PYGB: variants seen among roughly 807,000 people sequenced by gnomAD.
The protein encoded by PYGB is glycogen phosphorylase B, also known as glycogen phosphorylase, brain form.
PYGB carries 82 observed loss-of-function variants against 94.3 expected under a neutral mutation model. The ratio of observed to expected loss-of-function variants is 0.87; its 90% CI spans 0.73 to 1.04. The LOEUF is 1.04. Among genes scored for constraint, PYGB ranks in the 50% least tolerant of loss-of-function variants. The pLI is 0.00. For missense variants in PYGB, 1,132 were observed against 1,158.2 expected (o/e 0.98, Z 0.33); for synonymous variants, 488 against 479.1 (o/e 1.02, Z -0.24).
At chr20:25,268,665 G>C (rs747716512) in intron 2 of PYGB, among the ~76,000 whole-genome samples, 1 of 152,180 alleles carries the variant, frequency 6.6e-6, no homozygotes, top group Non-Finnish European at 1.5e-5. Context: ...CATAATGAGA[G>C]TACTGAGTTT....
intron 5 of PYGB, among the ~76,000 whole-genome samples, chr20:25,275,460 T>A (rs1568690817): frequency 6.6e-6 from 1 of 152,088 alleles, no homozygotes; most frequent in Non-Finnish European, 1.5e-5. Context: ...CCACCTGTGA[T>A]GGAGAAGGAC....
chr20:25,295,104 C>T, intron 18 of PYGB: 1 of 1,430,932 alleles, frequency 7.0e-7, no homozygotes, highest in Non-Finnish European at 9.9e-7. Context: ...CGATAGTGAA[C>T]AGAAATGCAT....
chr20:25,288,911 G>A (rs750346237), intron 15 of PYGB, among the ~76,000 whole-genome samples: 9 of 152,186 alleles, frequency 5.9e-5, no homozygotes, highest in Admixed American at 6.5e-5. Context: ...AGGTCACATC[G>A]TCACACTCAT....
In PYGB at chr20:25,254,241, C is replaced by A. The variant is rs2092896827; in HGVS notation, c.244-4996C>A. On this transcript the variant is annotated intron_variant, in intron 1 of 19. Transcript: ENST00000216962. ...TGTTGTCTGCAAATCTTTTCAGTGT[C>A]ACCAGCTGTCCTGCTTAATAAATAC... Among the ~76,000 whole-genome samples, 5 of 152,170 alleles carry A rather than the reference C, an allele frequency of 3.3e-5. No homozygotes were observed. The South Asian group carries it at 1.0e-3, about 31-fold the overall frequency.
chr20:25,294,734 G>A, intron 18 of PYGB: 3 of 624,412 alleles, frequency 4.8e-6, no homozygotes, highest in Non-Finnish European at 5.8e-6. Flanking sequence ...GATTTCACTT[G>A]CAACGATGTG....
intron 5 of PYGB, 50 bp from the exon 6 acceptor site, chr20:25,276,595 GC>G (rs1468232600): frequency 6.7e-7 from 1 of 1,501,858 alleles, no homozygotes; most frequent in African/African-American, 1.4e-5. Flanking sequence ...AGGCACAGGG[GC>G]CGGCGGGGGC....
At chr20:25,292,331 T>A in intron 16 of PYGB, 75 bp from the exon 17 acceptor site, 1 of 1,535,792 alleles carries the variant, frequency 6.5e-7, no homozygotes, top group Non-Finnish European at 8.9e-7. Context: ...TGGGCCGGCT[T>A]GTCCTGCAGT....
intron 2 of PYGB, among the ~76,000 whole-genome samples, chr20:25,268,915 TTAAC>T (rs757900782): frequency 2.6e-5 from 4 of 152,232 alleles, no homozygotes; most frequent in Non-Finnish European, 5.9e-5. Flanking sequence ...TGTTAATAGG[TTAAC>T]TACCTGGCAA....
rs1221396917 is a variant in PYGB, at chr20:25,283,262, G to A, written c.1605G>A (p.Val535=). 1.2e-6 allele frequency: 2 copies of A among 1,613,556 alleles called. No homozygotes were observed. The highest frequency in any genetic ancestry group is 1.7e-6 in the Non-Finnish European group (2 of 1,179,746). ...GTGACGAGGTGTTCATCAGGGACGT[G>A]GCCAAGGTCAAACAGGTAGGCATGG... ...LVSDEVFIRD[V]AKVKQENKLK... is the part of the protein sequence containing the mutation. The change falls in exon 13 of 20, where the codon GTG becomes GTA. Residue 535 remains valine (V), a synonymous_variant. Coordinates refer to ENST00000216962, the MANE Select transcript of PYGB (RefSeq NM_002862.4).
chr20:25,252,362 G>T (rs754825651), intron 1 of PYGB, among the ~76,000 whole-genome samples: 9 of 152,090 alleles, frequency 5.9e-5, no homozygotes, highest in South Asian at 2.1e-4. Flanking sequence ...ATGTCCCTCT[G>T]GGGGGGTCGG....
intron 18 of PYGB, 49 bp downstream of exon 18, chr20:25,294,341 A>G: frequency 3.7e-6 from 2 of 541,628 alleles, no homozygotes; most frequent in Admixed American, 2.0e-5. Flanking sequence ...GGAGGGAGGG[A>G]GGGGTCCTCT....
At chr20:25,268,314 ATTTGTAAC>A (rs1460081957) in intron 2 of PYGB, among the ~76,000 whole-genome samples, 1 of 151,980 alleles carries the variant, frequency 6.6e-6, no homozygotes. Context: ...ATACTAAATC[ATTTGTAAC>A]TTTGCTGTTG....
intron 18 of PYGB, among the ~76,000 whole-genome samples, chr20:25,295,215 G>T (rs1246884523): frequency 6.6e-6 from 1 of 152,242 alleles, no homozygotes; most frequent in Non-Finnish European, 1.5e-5. Context: ...GACGGCAAAT[G>T]GAGATGCCGT....
At position 25,292,552 on chromosome 20, in the gene PYGB, G is replaced by GC; in HGVS notation, c.2118dup (p.Glu707ArgfsTer64). On this transcript the variant is annotated frameshift_variant, in exon 17 of 20. Coordinates refer to ENST00000216962, the MANE Select transcript of PYGB (RefSeq NM_002862.4). LOFTEE classifies it high-confidence loss of function. ...CGTGGAGATGGCCGAGGAGGCCGGG[G>GC]CCGAGAACCTCTTCATCTTCGGCCT... The GC allele has an allele frequency of 6.2e-7, 1 of 1,613,366 alleles. No individual in the cohort carries two copies. The highest frequency in any genetic ancestry group is 8.5e-7 in the Non-Finnish European group (1 of 1,180,014).
At chr20:25,278,194 C>A in intron 7 of PYGB, 125 bp from the exon 8 acceptor site, 1 of 1,130,892 alleles carries the variant, frequency 8.8e-7, no homozygotes, top group Non-Finnish European at 1.2e-6. Flanking sequence ...GCCCCAGTGT[C>A]AGGCAGCTGG....
In PYGB at chr20:25,296,776, C is replaced by T. The variant is rs1053216996; in HGVS notation, c.*254C>T. ...AGGGTCGTGGCCAGCCCTGCAGCTT[C>T]AGCACCTGCCCCACCCAGAGTGGGA... On this transcript the variant is annotated 3_prime_UTR_variant, in exon 20 of 20. Transcript: ENST00000216962. 2 of 489,056 alleles carry T rather than the reference C, an allele frequency of 4.1e-6. No homozygotes were observed. The highest frequency in any genetic ancestry group is 7.2e-6 in the Non-Finnish European group (2 of 276,926). 30.3% of individuals were successfully genotyped at this position (489,056 alleles called of 1,614,324 possible).
Position 25,278,341 on chromosome 20 carries a change from G to A in PYGB, c.878G>A (p.Arg293Gln), listed in dbSNP as rs200576670. Residue 293 changes from arginine (R) to glutamine (Q), a missense_variant, in exon 8 of 20, where the codon CGG becomes CAG. Arg to Gln is a conservative substitution (Grantham distance 43, BLOSUM62 1). Coordinates refer to ENST00000216962, the MANE Select transcript of PYGB (RefSeq NM_002862.4). ...CAGTTCTTTGAGGGGAAGGAGCTGC[G>A]GCTGAAGCAGGAGTACTTCGTGGTG... ...NDNFFEGKEL[R>Q]LKQEYFVVAA... 6.2e-6 allele frequency: 10 copies of A among 1,605,662 alleles called. No homozygotes were observed. The highest frequency in any genetic ancestry group is 2.2e-5 in the South Asian group (2 of 90,812).
chr20:25,277,054 C>A (rs980540056), intron 6 of PYGB, among the ~76,000 whole-genome samples, 190 bp from the exon 7 acceptor site: 1 of 151,694 alleles, frequency 6.6e-6, no homozygotes, highest in African/African-American at 2.4e-5. Context: ...GAGTTGTGTG[C>A]GGTACATAGG....
chr20:25,273,012 G>A (rs1049475640), intron 4 of PYGB, among the ~76,000 whole-genome samples: 7 of 152,226 alleles, frequency 4.6e-5, no homozygotes, highest in Non-Finnish European at 8.8e-5. Flanking sequence ...TGATCAGTAA[G>A]TGAAGCTCAC....
Sources: gnomAD v4.1 joint callset for allele counts (sites outside exome capture counted in the v4.1 genomes callset) on GRCh38, gnomAD v4.1.1 for gene constraint, MANE v1.5 for transcripts, NCBI Gene and HGNC (gene_info 2026-07-23, HGNC 2026-07-21) for gene names.